Variants in EXOC4 observed in about 807,000 individuals in gnomAD.
EXOC4 encodes SEC8-like 1.
EXOC4 carries 71 observed loss-of-function variants against 107.2 expected under a neutral mutation model. The observed-to-expected ratio is 0.66, with a 90% CI of 0.55 to 0.81. The LOEUF (loss-of-function observed/expected upper bound fraction) is 0.81. EXOC4 is among the 30% of genes least tolerant of loss of function. The pLI, the probability that EXOC4 is intolerant of heterozygous loss-of-function variation, is 0.00. For missense variants in EXOC4, 1,108 were observed against 1,189.6 expected (o/e 0.93, Z 1.01); for synonymous variants, 456 against 441.2 (o/e 1.03, Z -0.42).
At chr7:133,556,280 C>G (rs1365004106) in intron 9 of EXOC4, among the ~76,000 whole-genome samples, 1 of 152,186 alleles carries the variant, frequency 6.6e-6, no homozygotes, top group African/African-American at 2.4e-5. Flanking sequence ...GCTTGTATTT[C>G]AGTACAAATA....
intron 9 of EXOC4, among the ~76,000 whole-genome samples, chr7:133,588,441 T>C (rs1005126547): frequency 3.9e-5 from 6 of 152,240 alleles, no homozygotes; most frequent in Non-Finnish European, 5.9e-5. Flanking sequence ...TAGTGGTTAA[T>C]AATTTGCTTA....
At chr7:133,819,401 A>G (rs1355095149) in intron 11 of EXOC4, among the ~76,000 whole-genome samples, 1 of 150,478 alleles carries the variant, frequency 6.6e-6, no homozygotes, top group Admixed American at 6.7e-5. Context: ...TAACTTGTAT[A>G]TTTTCTATCC....
chr7:134,086,531 A>G, the EXOC4 span, among the ~76,000 whole-genome samples: 1 of 152,154 alleles, frequency 6.6e-6, no homozygotes, highest in Admixed American at 6.5e-5. Context: ...CAGAAGAAAA[A>G]CAAGTAGAAG....
At chr7:133,917,173 C>A (rs552782362) in intron 12 of EXOC4, among the ~76,000 whole-genome samples, 1 of 152,306 alleles carries the variant, frequency 6.6e-6, no homozygotes, top group South Asian at 2.1e-4. Context: ...AGAGTACAAC[C>A]TTTTGTAACA....
Position 133,647,691 on chromosome 7 carries a change from TGACTCTGATAATCCAG to T in EXOC4, c.1514+17551_1514+17566del, listed in dbSNP as rs1803028047. 3.9e-5 allele frequency among the ~76,000 whole-genome samples: 6 copies of T among 152,258 alleles called. No individual in the cohort carries two copies. In the South Asian group the frequency reaches 1.2e-3, roughly 32 times the overall value. On this transcript the variant is annotated intron_variant, in intron 10 of 17. Transcript: ENST00000253861. ...CCATAGTGGCTCTCATTAGGCTGTTTGACTCTGATAATCCAGTCAAACAGTTTATCTACAGTCAAAC... is the reference window on the plus strand; with the variant it reads ...CCATAGTGGCTCTCATTAGGCTGTTTTCAAACAGTTTATCTACAGTCAAAC...
chr7:133,870,802 A>G (rs1410730566), intron 11 of EXOC4, among the ~76,000 whole-genome samples: 1 of 152,220 alleles, frequency 6.6e-6, no homozygotes, highest in Non-Finnish European at 1.5e-5. Context: ...CTCTTTCGCC[A>G]TTCTTCAAGT....
At chr7:133,687,865 A>G (rs1392293335) in intron 10 of EXOC4, among the ~76,000 whole-genome samples, 4 of 152,108 alleles carry the variant, frequency 2.6e-5, no homozygotes, top group Admixed American at 2.6e-4. Flanking sequence ...TTACCATGAA[A>G]TGTGACTTGG....
intron 9 of EXOC4, among the ~76,000 whole-genome samples, chr7:133,599,746 AT>A (rs1296965317): frequency 6.6e-6 from 1 of 152,040 alleles, no homozygotes; most frequent in Admixed American, 6.6e-5. Flanking sequence ...TTACTATTTC[AT>A]TTCTTTTGGT....
At chr7:133,510,917 G>A (rs1584967753) in intron 9 of EXOC4, among the ~76,000 whole-genome samples, 1 of 152,112 alleles carries the variant, frequency 6.6e-6, no homozygotes, top group African/African-American at 2.4e-5. Context: ...TTAAAGTTCA[G>A]AATTGTAGTG....
At chr7:133,687,786 T>C (rs926652960) in intron 10 of EXOC4, among the ~76,000 whole-genome samples, 10 of 152,146 alleles carry the variant, frequency 6.6e-5, no homozygotes, top group African/African-American at 4.8e-5. Context: ...AGTTATATTC[T>C]TCAATCTGTC....
intron 7 of EXOC4, among the ~76,000 whole-genome samples, chr7:133,465,158 G>T (rs938934761): frequency 1.2e-4 from 19 of 152,104 alleles, no homozygotes; most frequent in African/African-American, 4.6e-4. Context: ...TCTAGAGTTT[G>T]GTAGTCAAAG....
intron 5 of EXOC4, among the ~76,000 whole-genome samples, chr7:133,329,205 C>T (rs1054798925): frequency 1.3e-5 from 2 of 152,154 alleles, no homozygotes; most frequent in Admixed American, 1.3e-4. Flanking sequence ...TCCACTTGAT[C>T]AAATCAGCTA....
At chr7:134,043,092 C>T (rs763783621) in intron 17 of EXOC4, among the ~76,000 whole-genome samples, 5 of 152,106 alleles carry the variant, frequency 3.3e-5, no homozygotes, top group Admixed American at 6.5e-5. Flanking sequence ...TGCAGTCTCC[C>T]TCATGGGTTC....
chr7:133,426,263 GTGTC>G (rs1563061129), intron 7 of EXOC4, among the ~76,000 whole-genome samples: 6 of 152,188 alleles, frequency 3.9e-5, no homozygotes, highest in African/African-American at 1.4e-4. Flanking sequence ...TAGGGGTTAT[GTGTC>G]TGTAATTGCC....
At chr7:134,056,227 A>T (rs1218896864) in intron 17 of EXOC4, among the ~76,000 whole-genome samples, 1 of 152,232 alleles carries the variant, frequency 6.6e-6, no homozygotes, top group Non-Finnish European at 1.5e-5. Flanking sequence ...ATATTTGATG[A>T]ACTATTTTCT....
chr7:133,872,567 T>C (rs781286671), intron 11 of EXOC4, among the ~76,000 whole-genome samples: 4 of 152,194 alleles, frequency 2.6e-5, no homozygotes, highest in Non-Finnish European at 5.9e-5. Context: ...AGGGACATTT[T>C]ACTTTTCATT....
intron 9 of EXOC4, among the ~76,000 whole-genome samples, chr7:133,484,742 T>C (rs1031191245): frequency 6.6e-6 from 1 of 152,068 alleles, no homozygotes. Context: ...ATTAGAAACA[T>C]TAGATTAGCA....
In EXOC4 at chr7:133,975,598, G is replaced by A. The variant is rs149607984; in HGVS notation, c.2207-21894G>A. On this transcript the variant is annotated intron_variant, in intron 14 of 17. Coordinates refer to ENST00000253861, the MANE Select transcript of EXOC4 (RefSeq NM_021807.4). ...TTGGAGAAAATGTAGGTATGATCTC[G>A]TGAATAGAAACCTATCAAAGGGAGT... Among the ~76,000 whole-genome samples, 11 of 152,164 alleles carry A rather than the reference G, an allele frequency of 7.2e-5. No homozygotes were observed. In the South Asian group the frequency reaches 1.9e-3, roughly 26 times the overall value.
intron 9 of EXOC4, among the ~76,000 whole-genome samples, chr7:133,522,721 G>GT (rs954260291): frequency 3.3e-5 from 5 of 151,754 alleles, no homozygotes; most frequent in East Asian, 1.9e-4. Context: ...GGAAGAGAGG[G>GT]TTTTTTTTCC....
Sources: allele counts gnomAD v4.1 joint callset (sites outside exome capture counted in the v4.1 genomes callset), GRCh38; gene constraint gnomAD v4.1.1; transcripts MANE v1.5; gene names NCBI Gene and HGNC (gene_info 2026-07-23, HGNC 2026-07-21).